CEP95: variants seen among roughly 807,000 people sequenced by gnomAD.
CEP95 encodes the protein centrosomal protein of 95 kDa.
In CEP95, 98 loss-of-function variants were observed where a neutral mutation model predicts 111.2. That is an observed-to-expected ratio of 0.88 (90% CI 0.75 to 1.04). CEP95 has a LOEUF of 1.04. Among genes scored for constraint, CEP95 ranks in the 50% least tolerant of loss-of-function variants. The pLI, the probability that CEP95 is intolerant of heterozygous loss-of-function variation, is 0.00. For missense variants in CEP95, 1,027 were observed against 977.2 expected, an observed-to-expected ratio of 1.05 and a Z score of -0.68; for synonymous variants, 323 against 327.1, an observed-to-expected ratio of 0.99 and a Z score of 0.14.
intron 11 of CEP95, among the ~76,000 whole-genome samples, chr17:64,527,868 G>A (rs190839165): frequency 0.035 from 4,199 of 120,430 alleles, 185 homozygotes; most frequent in African/African-American, 0.14. Flanking sequence ...GTGTGTGTGT[G>A]TGTATATATA....
At position 64,524,147 on chromosome 17, in the gene CEP95, G is replaced by T. The variant is rs782560959; in HGVS notation, c.909+1252G>T. ...TACTTTTGGGGGAATCATAGTGGGG[G>T]TTTTAGAGATATTTCTGAGTTGGTA... On this transcript the variant is annotated intron_variant, in intron 8 of 19. Coordinates refer to ENST00000556440, the MANE Select transcript of CEP95 (RefSeq NM_138363.3). Among the ~76,000 whole-genome samples, 5 of 152,114 alleles carry T rather than the reference G, an allele frequency of 3.3e-5. No homozygotes were observed. In the South Asian group the frequency reaches 6.2e-4, roughly 19 times the overall value.
At chr17:64,507,284 C>T (rs782055038) in intron 1 of CEP95, 168 bp downstream of exon 1, 123 of 1,472,838 alleles carry the variant, frequency 8.4e-5, no homozygotes, top group Non-Finnish European at 1.1e-4. Flanking sequence ...TTCACCACCT[C>T]TTCGCTTCGA....
intron 13 of CEP95, 68 bp from the exon 14 acceptor site, chr17:64,531,822 A>AT: frequency 8.3e-7 from 1 of 1,197,982 alleles, no homozygotes; most frequent in Non-Finnish European, 1.1e-6. Flanking sequence ...AGTATGTAAT[A>AT]TTTAAGATGA....
In CEP95 at chr17:64,507,020, T is replaced by G. The variant is rs541116822; in HGVS notation, c.-78T>G. 1 of 1,521,720 alleles carries G rather than the reference T, an allele frequency of 6.6e-7. No homozygotes were observed. Among genetic ancestry groups the G allele is most frequent in the African/African-American group, 1.4e-5 (1 of 72,684 alleles). The allele number at this position is 1,521,720 out of a possible 1,614,324, so 94.3% of individuals were successfully genotyped here. A position where few individuals can be genotyped will look rare whatever the true frequency, so the allele number is the denominator to read the frequency against. On this transcript the variant is annotated 5_prime_UTR_variant, in exon 1 of 20. Transcript: ENST00000556440. ...CGTGCGTCCGCGCCCCAGTGTCGGG[T>G]CTGCGTGGATCGGTCCTTCCAGGAC...
chr17:64,522,713 T>A lies in CEP95; in HGVS notation c.727T>A (p.Ser243Thr), dbSNP rs552376826. The A allele has an allele frequency of 5.0e-6, 8 of 1,612,490 alleles. No homozygotes were observed. In the South Asian group the frequency reaches 7.7e-5, roughly 16 times the overall value. ...ATTTGTCTTACTAGCGGAAACCCTT[T>A]CTGTGAGTGGGATTCCAAATGCTAG... ...TSFVEDTETL[S>T]VSGIPNARKL... The change falls in exon 8 of 20, where the codon TCT becomes ACT. Residue 243 changes from serine to threonine, a missense_variant. Physicochemically the swap from Ser to Thr is moderately conservative, Grantham distance 58. Transcript: ENST00000556440.
chr17:64,514,423 C>A, intron 4 of CEP95, 65 bp downstream of exon 4: 1 of 732,666 alleles, frequency 1.4e-6, no homozygotes, highest in Non-Finnish European at 2.4e-6. Context: ...TGCCTTTTAT[C>A]TTTTTGTGTA....
chr17:64,514,610 A>AT (rs1437878263), intron 4 of CEP95: 10 of 414,836 alleles, frequency 2.4e-5, no homozygotes, highest in African/African-American at 1.6e-4. Context: ...AGAAAGATAA[A>AT]TTTCTGGCTA....
intron 12 of CEP95, 148 bp downstream of exon 12, chr17:64,529,575 G>A: frequency 1.3e-6 from 1 of 788,118 alleles, no homozygotes; most frequent in Non-Finnish European, 2.0e-6. Flanking sequence ...ATGTGACATA[G>A]CTTATGTCTT....
At chr17:64,508,980 G>A (rs1485945582) in intron 2 of CEP95, among the ~76,000 whole-genome samples, 1 of 151,622 alleles carries the variant, frequency 6.6e-6, no homozygotes, top group Non-Finnish European at 1.5e-5. Context: ...TCATAATAAC[G>A]GCCTTGAGCA....
At chr17:64,522,599 T>C in intron 7 of CEP95, 103 bp from the exon 8 acceptor site, 2 of 694,634 alleles carry the variant, frequency 2.9e-6, no homozygotes, top group East Asian at 5.6e-5. Context: ...AAAAAATATT[T>C]CTAATGTATG....
chr17:64,517,522 A>G (rs1472087883), intron 5 of CEP95, among the ~76,000 whole-genome samples: 3 of 151,874 alleles, frequency 2.0e-5, no homozygotes, highest in African/African-American at 7.3e-5. Flanking sequence ...ATGTCTATAT[A>G]ATTTCGTTGC....
In CEP95 at chr17:64,529,328, G is replaced by C. The variant is rs1236015914; in HGVS notation, c.1347G>C (p.Ser449=). 6.2e-7 allele frequency: 1 copy of C among 1,613,460 alleles called. No individual in the cohort carries two copies. The highest frequency in any genetic ancestry group is 1.3e-5 in the African/African-American group (1 of 74,862). The change falls in exon 12 of 20, where the codon TCG becomes TCC. Residue 449 remains serine, a synonymous_variant. Coordinates refer to ENST00000556440, the MANE Select transcript of CEP95 (RefSeq NM_138363.3). The part of the protein sequence containing the change: ...MRRKPPYRSH[S]LSPSPVNKHK... ...GAAAGCCACCCTACAGATCCCATTCGCTCTCTCCATCTCCAGTTAACAAAC... is the reference window on the plus strand; with the variant it reads ...GAAAGCCACCCTACAGATCCCATTCCCTCTCTCCATCTCCAGTTAACAAAC...
At chr17:64,512,542 A>G (rs1346511917) in intron 3 of CEP95, among the ~76,000 whole-genome samples, 1 of 152,242 alleles carries the variant, frequency 6.6e-6, no homozygotes, top group African/African-American at 2.4e-5. Flanking sequence ...TTTCAAGCTT[A>G]TGAATAGAGG....
chr17:64,521,357 T>C, intron 6 of CEP95, 45 bp from the exon 7 acceptor site: 1 of 1,456,438 alleles, frequency 6.9e-7, no homozygotes. Flanking sequence ...TTCAGCAAAC[T>C]ATTTTGATAG....
chr17:64,510,168 C>CG lies in CEP95; in HGVS notation c.149-5_149-4insG. ...ACAAAATTATGTGATTTTTTCCCCC[C>CG]CCAGACCTCATAGTTATTCCTAGGA... On this transcript the variant is annotated splice_region_variant and splice_polypyrimidine_tract_variant and intron_variant, in intron 2 of 19. Transcript: ENST00000556440. 1 of 1,572,498 alleles carries CG rather than the reference C, an allele frequency of 6.4e-7. No individual in the cohort carries two copies.
chr17:64,509,402 C>T (rs115626642), intron 2 of CEP95, among the ~76,000 whole-genome samples: 5,299 of 152,234 alleles, frequency 0.035, 318 homozygotes, highest in African/African-American at 0.12. Context: ...AAGGGCCAGG[C>T]GCGGTGGCTC....
chr17:64,522,777 A>G lies in CEP95; in HGVS notation c.791A>G (p.His264Arg). Residue 264 changes from histidine (H) to arginine (R), a missense_variant, in exon 8 of 20, where the codon CAT (histidine) becomes CGT (arginine). His to Arg is a conservative substitution (Grantham distance 29, BLOSUM62 0). Transcript: ENST00000556440. Reference protein sequence around the residue: ...GEPIRAAIPLHPPYHPSEPRA... With the variant: ...GEPIRAAIPLRPPYHPSEPRA... ...CCTATCCGAGCAGCTATTCCTTTAC[A>G]TCCACCCTACCACCCTTCAGAGCCT... is the stretch of plus-strand genomic sequence containing the variant. 6.2e-7 allele frequency: 1 copy of G among 1,613,856 alleles called. No individual in the cohort carries two copies. The highest frequency in any genetic ancestry group is 8.5e-7 in the Non-Finnish European group (1 of 1,179,854).
intron 16 of CEP95, chr17:64,534,363 A>G (rs1043271623): frequency 2.1e-6 from 1 of 475,862 alleles, no homozygotes; most frequent in Non-Finnish European, 3.8e-6. Flanking sequence ...AGGAGTGCCC[A>G]GGATCACTGC....
intron 8 of CEP95, among the ~76,000 whole-genome samples, chr17:64,523,739 A>G (rs1415397548): frequency 6.6e-6 from 1 of 152,088 alleles, no homozygotes; most frequent in Non-Finnish European, 1.5e-5. Flanking sequence ...TGTCTCTGCT[A>G]AAAATAGAAA....
Sources: allele counts gnomAD v4.1 joint callset (sites outside exome capture counted in the v4.1 genomes callset), GRCh38; gene constraint gnomAD v4.1.1; transcripts MANE v1.5; gene names NCBI Gene and HGNC (gene_info 2026-07-23, HGNC 2026-07-21).